Variants in UBE2K observed in about 807,000 individuals in gnomAD.
The protein encoded by UBE2K is ubiquitin conjugating enzyme E2 K.
In UBE2K, 6 loss-of-function variants were observed where a neutral mutation model predicts 30.0. That is an observed-to-expected ratio of 0.20 (90% CI 0.11 to 0.39). UBE2K has a LOEUF of 0.39. Among genes scored for constraint, UBE2K ranks in the 10% least tolerant of loss-of-function variants. The probability of loss-of-function intolerance (pLI) is 1.00; values close to 1 mark genes in which losing one functional copy is unlikely to be tolerated. For missense variants in UBE2K, 61 were observed against 241.6 expected, an observed-to-expected ratio of 0.25 and a Z score of 4.96; for synonymous variants, 86 against 83.7, an observed-to-expected ratio of 1.03 and a Z score of -0.15.
chr4:39,775,025 A>T, intron 5 of UBE2K, 92 bp downstream of exon 5: 1 of 638,224 alleles, frequency 1.6e-6, no homozygotes, highest in Non-Finnish European at 2.4e-6. Context: ...AGCATACTCT[A>T]TTGAAACTAA....
intron 4 of UBE2K, among the ~76,000 whole-genome samples, chr4:39,758,960 T>C (rs1711680125): frequency 6.6e-6 from 1 of 152,186 alleles, no homozygotes; most frequent in Admixed American, 6.5e-5. Context: ...AATTGAAATA[T>C]TAGAATATAC....
chr4:39,742,786 C>G (rs2109356657), intron 2 of UBE2K, among the ~76,000 whole-genome samples: 1 of 152,234 alleles, frequency 6.6e-6, no homozygotes, highest in South Asian at 2.1e-4. Context: ...TGGCTTATGC[C>G]TGTAATCCCA....
chr4:39,753,224 T>G (rs982988532), intron 3 of UBE2K, among the ~76,000 whole-genome samples: 2 of 152,058 alleles, frequency 1.3e-5, no homozygotes, highest in Non-Finnish European at 2.9e-5. Context: ...CCCCCAACAC[T>G]ATTAGAAATA....
chr4:39,712,107 C>T (rs539689586), intron 1 of UBE2K, among the ~76,000 whole-genome samples: 9 of 147,134 alleles, frequency 6.1e-5, no homozygotes, highest in Non-Finnish European at 1.3e-4. Flanking sequence ...AAAAAAAAAA[C>T]GTAGTTACTT....
intron 1 of UBE2K, among the ~76,000 whole-genome samples, chr4:39,735,683 C>G (rs1720340576): frequency 6.6e-6 from 1 of 152,102 alleles, no homozygotes; most frequent in Non-Finnish European, 1.5e-5. Context: ...GCCCGGCCAT[C>G]AGAGTAGTTT....
At chr4:39,771,314 G>C in intron 4 of UBE2K, 1 of 1,612,160 alleles carries the variant, frequency 6.2e-7, no homozygotes, top group Non-Finnish European at 8.5e-7. Flanking sequence ...CGAAACTTGA[G>C]GCTGTCGGCC....
At chr4:39,715,632 A>G (rs371634087) in intron 1 of UBE2K, among the ~76,000 whole-genome samples, 7 of 151,828 alleles carry the variant, frequency 4.6e-5, no homozygotes, top group East Asian at 3.9e-4. Context: ...AAAGTAGTCA[A>G]TTTTTTTCTG....
rs1471623164 is a variant in UBE2K at position 39,715,985 on chromosome 4, A to G, written c.63+17595A>G. On this transcript the variant is annotated intron_variant, in intron 1 of 6. Transcript: ENST00000261427. ...CTTCAGGCAGTACCTTCCCAATTAC[A>G]GAACACAGAGTGAGTTCTCGTGATC... Among the ~76,000 whole-genome samples the G allele has an allele frequency of 4.6e-5, 7 of 152,368 alleles. No homozygotes were observed. The East Asian group carries it at 1.2e-3, about 25-fold the overall frequency.
chr4:39,714,277 A>G (rs1014177262), intron 1 of UBE2K: 10 of 200,830 alleles, frequency 5.0e-5, no homozygotes, highest in Non-Finnish European at 9.6e-5. Context: ...CTTTGTCCAA[A>G]TGAACCTTTA....
At chr4:39,734,061 C>T (rs1025490759) in intron 1 of UBE2K, among the ~76,000 whole-genome samples, 2 of 149,676 alleles carry the variant, frequency 1.3e-5, no homozygotes, top group Non-Finnish European at 3.0e-5. Context: ...TTCTTTTTAT[C>T]TTTAGTTCTG....
intron 1 of UBE2K, among the ~76,000 whole-genome samples, chr4:39,710,748 A>T (rs1198761288): frequency 6.6e-6 from 1 of 152,122 alleles, no homozygotes; most frequent in Non-Finnish European, 1.5e-5. Flanking sequence ...TGGTAGAAAG[A>T]GTTATACTCA....
intron 1 of UBE2K, among the ~76,000 whole-genome samples, chr4:39,705,273 C>T (rs1043279212): frequency 6.7e-6 from 1 of 148,346 alleles, no homozygotes; most frequent in Non-Finnish European, 1.5e-5. Context: ...TCTCAACTCA[C>T]CACAGCCTCT....
At chr4:39,707,761 C>G (rs1336806118) in intron 1 of UBE2K, among the ~76,000 whole-genome samples, 2 of 151,878 alleles carry the variant, frequency 1.3e-5, no homozygotes, top group Admixed American at 1.3e-4. Context: ...TTCAAGCAGT[C>G]CTCCTGCCTC....
rs114163008 is a variant in UBE2K at position 39,746,834 on chromosome 4, C to T, written c.216+1024C>T. 2.6e-3 allele frequency among the ~76,000 whole-genome samples: 403 copies of T among 152,336 alleles called. 6 individuals are homozygous for T. Among genetic ancestry groups the T allele is most frequent in the African/African-American group, 9.3e-3 (385 of 41,576 alleles). On this transcript the variant is annotated intron_variant, in intron 3 of 6. Coordinates refer to ENST00000261427, the MANE Select transcript of UBE2K (RefSeq NM_005339.5). ...AGTTCATCAAATGTTTCTCCCTCTCCTCTCTCAGTAGCATTTTATACAATT... is the reference window on the plus strand; with the variant it reads ...AGTTCATCAAATGTTTCTCCCTCTCTTCTCTCAGTAGCATTTTATACAATT...
chr4:39,769,506 C>T (rs1712600628), intron 4 of UBE2K, among the ~76,000 whole-genome samples: 2 of 149,758 alleles, frequency 1.3e-5, no homozygotes, highest in Non-Finnish European at 3.0e-5. Flanking sequence ...ACTTTTTTCT[C>T]CCTCAAATTT....
intron 1 of UBE2K, among the ~76,000 whole-genome samples, chr4:39,715,229 C>A (rs1718988909): frequency 6.6e-6 from 1 of 151,828 alleles, no homozygotes; most frequent in Non-Finnish European, 1.5e-5. Flanking sequence ...TGGGGTTTCA[C>A]CATGTTAGCC....
intron 1 of UBE2K, among the ~76,000 whole-genome samples, chr4:39,700,124 CAG>C (rs1005796913): frequency 2.0e-5 from 3 of 152,042 alleles, no homozygotes; most frequent in Admixed American, 6.6e-5. Flanking sequence ...CTTACGGTAA[CAG>C]AAACAGTAAG....
At chr4:39,720,187 TATATTG>T (rs1340489843) in intron 1 of UBE2K, among the ~76,000 whole-genome samples, 5 of 152,224 alleles carry the variant, frequency 3.3e-5, no homozygotes, top group Non-Finnish European at 7.3e-5. Context: ...AAGAGTTGAA[TATATTG>T]ATAAAGGTGG....
chr4:39,766,497 G>A (rs1437174322), intron 4 of UBE2K, among the ~76,000 whole-genome samples: 1 of 150,720 alleles, frequency 6.6e-6, no homozygotes, highest in Non-Finnish European at 1.5e-5. Context: ...TTGTTATTGA[G>A]TTGTAGGAGT....
Sources: allele counts gnomAD v4.1 joint callset (sites outside exome capture counted in the v4.1 genomes callset), GRCh38; gene constraint gnomAD v4.1.1; transcripts MANE v1.5; gene names NCBI Gene and HGNC (gene_info 2026-07-23, HGNC 2026-07-21).